The following CLDN18 variants were observed in gnomAD, a reference collection of about 807,000 sequenced individuals.
CLDN18 encodes the protein claudin 18.
A neutral mutation model predicts 25.0 loss-of-function variants in CLDN18; 20 were observed. The ratio of observed to expected loss-of-function variants is 0.80; its 90% CI spans 0.56 to 1.16. The LOEUF (loss-of-function observed/expected upper bound fraction) is 1.16. Ranked by LOEUF, CLDN18 falls within the 50% of genes most tolerant of loss-of-function variation. CLDN18 has a pLI of 0.00. For missense variants in CLDN18, 297 were observed against 345.4 expected (o/e 0.86, Z 1.11); for synonymous variants, 125 against 135.6 (o/e 0.92, Z 0.54).
chr3:138,013,515 G>A (rs1283253759), intron 1 of CLDN18, among the ~76,000 whole-genome samples: 2 of 152,228 alleles, frequency 1.3e-5, no homozygotes, highest in African/African-American at 2.4e-5. Flanking sequence ...AAGGCTTGAA[G>A]GAGGCACAAC....
chr3:138,028,076 T>C (rs1466117766), intron 3 of CLDN18, among the ~76,000 whole-genome samples: 6 of 152,240 alleles, frequency 3.9e-5, no homozygotes, highest in Non-Finnish European at 8.8e-5. Flanking sequence ...TTTTTTTTTT[T>C]TTTCTTGAGA....
chr3:138,001,449 C>A (rs2107873367), intron 1 of CLDN18, among the ~76,000 whole-genome samples: 1 of 149,526 alleles, frequency 6.7e-6, no homozygotes, highest in South Asian at 2.1e-4. Context: ...GTCTCGATCT[C>A]CTGACCTCAT....
At chr3:138,010,493 G>A in intron 1 of CLDN18, 48 bp downstream of exon 1, 1 of 1,607,568 alleles carries the variant, frequency 6.2e-7, no homozygotes, top group Non-Finnish European at 8.5e-7. Flanking sequence ...CAGGTGAGCA[G>A]GGAAGGGGGC....
Position 138,031,244 on chromosome 3 carries a change from G to A in CLDN18, c.*103G>A. ...TTCTTCTTGCTTTTGACTCACAGCT[G>A]GAAGTTAGAAAAGCCTCGATTTCAT... On this transcript the variant is annotated 3_prime_UTR_variant, in exon 5 of 5. Coordinates refer to ENST00000183605, the MANE Select transcript of CLDN18 (RefSeq NM_016369.4). The A allele has an allele frequency of 9.1e-7, 1 of 1,100,786 alleles. No individual in the cohort carries two copies. The highest frequency in any genetic ancestry group is 1.3e-6 in the Non-Finnish European group (1 of 787,028). The allele number at this position is 1,100,786 out of a possible 1,614,324, so 68.2% of individuals were successfully genotyped here. A position where few individuals can be genotyped will look rare whatever the true frequency, so the allele number is the denominator to read the frequency against.
chr3:138,028,319 C>T (rs575871224), intron 3 of CLDN18, among the ~76,000 whole-genome samples: 2 of 152,284 alleles, frequency 1.3e-5, no homozygotes, highest in African/African-American at 4.8e-5. Flanking sequence ...CCTGCCTCGG[C>T]CTCCCAAAGT....
At chr3:138,021,811 G>A (rs564615295) in intron 1 of CLDN18, among the ~76,000 whole-genome samples, 11 of 152,242 alleles carry the variant, frequency 7.2e-5, no homozygotes, top group African/African-American at 2.6e-4. Flanking sequence ...TAATGGCTTC[G>A]AACCTGGAGG....
At chr3:138,010,665 T>G (rs1467928532) in intron 1 of CLDN18, among the ~76,000 whole-genome samples, 1 of 152,216 alleles carries the variant, frequency 6.6e-6, no homozygotes, top group Non-Finnish European at 1.5e-5. Flanking sequence ...GAATCGCTAG[T>G]GAGGAGGCAG....
At chr3:138,001,558 T>C (rs1443648619) in intron 1 of CLDN18, among the ~76,000 whole-genome samples, 5 of 152,050 alleles carry the variant, frequency 3.3e-5, no homozygotes, top group Non-Finnish European at 5.9e-5. Flanking sequence ...GATAGGGAGA[T>C]GGAGGCTCAG....
At chr3:138,004,331 A>G (rs977876600) in intron 1 of CLDN18, among the ~76,000 whole-genome samples, 7 of 152,238 alleles carry the variant, frequency 4.6e-5, no homozygotes, top group African/African-American at 1.4e-4. Flanking sequence ...GATTCAGACC[A>G]TACAGGCGTT....
upstream of CLDN18, chr3:138,010,007 C>A: frequency 2.7e-6 from 2 of 733,026 alleles, no homozygotes; most frequent in Non-Finnish European, 4.3e-6. Context: ...GGAGAGCAGA[C>A]AAGTGCCTCT....
chr3:138,019,819 C>T (rs1258081095), intron 1 of CLDN18, among the ~76,000 whole-genome samples: 1 of 152,166 alleles, frequency 6.6e-6, no homozygotes, highest in East Asian at 1.9e-4. Flanking sequence ...TATTTTGCAA[C>T]AGGAAGGGAA....
intron 1 of CLDN18, among the ~76,000 whole-genome samples, chr3:138,014,373 C>G (rs182603160): frequency 6.6e-5 from 10 of 152,288 alleles, no homozygotes; most frequent in Admixed American, 3.9e-4. Context: ...TTGGTCACAA[C>G]ACCATCTATT....
chr3:138,028,400 T>C (rs1942352206), intron 3 of CLDN18, among the ~76,000 whole-genome samples: 1 of 152,206 alleles, frequency 6.6e-6, no homozygotes, highest in Admixed American at 6.5e-5. Context: ...TAAAGTATTG[T>C]ATTTTCTTAG....
rs571713437 is a variant in CLDN18, at chr3:138,030,968, A to G, written c.615-2A>G. The G allele has an allele frequency of 6.2e-7, 1 of 1,608,202 alleles. No individual in the cohort carries two copies. The highest frequency in any genetic ancestry group is 8.5e-7 in the Non-Finnish European group (1 of 1,176,900). On this transcript the variant is annotated splice_acceptor_variant, in intron 4 of 4. Transcript: ENST00000183605. LOFTEE classifies it high-confidence loss of function. ...ATCATGGAATGTTTATTTTTCTTTC[A>G]GCTACAAAGCCGTTTCTTATCATGC... is the stretch of plus-strand genomic sequence containing the variant.
intron 1 of CLDN18, among the ~76,000 whole-genome samples, chr3:138,020,440 T>C (rs1417517501): frequency 6.6e-6 from 1 of 152,264 alleles, no homozygotes; most frequent in African/African-American, 2.4e-5. Context: ...AGAAGGCTGC[T>C]AGGGCCTCTG....
At chr3:138,008,162 C>T (rs979441307), upstream of CLDN18, among the ~76,000 whole-genome samples, 19 of 138,766 alleles carry the variant, frequency 1.4e-4, no homozygotes, top group African/African-American at 5.5e-5. Flanking sequence ...CACAGAGGCT[C>T]GTTTCCTGGA....
chr3:138,018,723 G>A lies in CLDN18; in HGVS notation c.221-4935G>A, dbSNP rs1026634648. 1.1e-4 allele frequency among the ~76,000 whole-genome samples: 16 copies of A among 152,286 alleles called. No homozygotes were observed. In the Middle Eastern group the frequency reaches 0.01, roughly 97 times the overall value. On this transcript the variant is annotated intron_variant, in intron 1 of 4. Transcript: ENST00000183605. The stretch of plus-strand genomic sequence containing the variant: ...GTAGTAGTATTGCATTGGGGATTAC[G>A]TTTCAACATATAAATTTTGGAGGGA...
intron 1 of CLDN18, among the ~76,000 whole-genome samples, chr3:138,011,107 AC>A (rs1942132979): frequency 6.6e-6 from 1 of 151,848 alleles, no homozygotes; most frequent in African/African-American, 2.4e-5. Flanking sequence ...AATAAATTAA[AC>A]CCCTGCTTTT....
At chr3:138,021,283 C>T (rs1179765390) in intron 1 of CLDN18, among the ~76,000 whole-genome samples, 1 of 152,130 alleles carries the variant, frequency 6.6e-6, no homozygotes, top group Non-Finnish European at 1.5e-5. Flanking sequence ...AGCATTTCTC[C>T]TGTTTTTTTT....
Sources: gnomAD v4.1 joint callset for allele counts (sites outside exome capture counted in the v4.1 genomes callset) on GRCh38, gnomAD v4.1.1 for gene constraint, MANE v1.5 for transcripts, NCBI Gene and HGNC (gene_info 2026-07-23, HGNC 2026-07-21) for gene names.